MAML2: variants seen among roughly 807,000 people sequenced by gnomAD.
The protein encoded by MAML2 is mastermind like transcriptional coactivator 2, also known as mastermind-like protein 2.
A neutral mutation model predicts 96.1 loss-of-function variants in MAML2; 22 were observed. The ratio of observed to expected loss-of-function variants is 0.23; its 90% CI spans 0.16 to 0.33. The LOEUF (loss-of-function observed/expected upper bound fraction) is 0.33. MAML2 is among the 10% of genes least tolerant of loss of function. The pLI, the probability that MAML2 is intolerant of heterozygous loss-of-function variation, is 1.00. For synonymous variants in MAML2, 561 were observed against 521.3 expected (o/e 1.08, Z -1.04); for missense variants, 1,367 against 1,392.4 (o/e 0.98, Z 0.29).
At chr11:96,099,942 A>G (rs924433596) in intron 1 of MAML2, among the ~76,000 whole-genome samples, 1 of 152,132 alleles carries the variant, frequency 6.6e-6, no homozygotes, top group Non-Finnish European at 1.5e-5. Context: ...ATACTTGCCC[A>G]TTGATTATTT....
chr11:95,999,475 C>T (rs1038130052), intron 2 of MAML2, among the ~76,000 whole-genome samples: 1 of 141,214 alleles, frequency 7.1e-6, no homozygotes, highest in Non-Finnish European at 1.6e-5. Flanking sequence ...TCGTTGGATT[C>T]AGTCAGTTTT....
At chr11:96,280,394 G>A (rs3802768) in intron 1 of MAML2, among the ~76,000 whole-genome samples, 4 of 152,094 alleles carry the variant, frequency 2.6e-5, no homozygotes, top group African/African-American at 7.2e-5. Flanking sequence ...GGGTGAAAAC[G>A]CAGGGATCTT....
chr11:96,134,479 G>T (rs1290402508), intron 1 of MAML2, among the ~76,000 whole-genome samples: 1 of 152,046 alleles, frequency 6.6e-6, no homozygotes, highest in Non-Finnish European at 1.5e-5. Flanking sequence ...CAGGATTCTG[G>T]GATTATTTAT....
intron 1 of MAML2, among the ~76,000 whole-genome samples, chr11:96,166,213 A>ACACC (rs1861191920): frequency 6.6e-6 from 1 of 150,526 alleles, no homozygotes; most frequent in Non-Finnish European, 1.5e-5. Flanking sequence ...ACACACACAC[A>ACACC]CACCCCACAT....
At chr11:96,274,396 G>C (rs1862958853) in intron 1 of MAML2, among the ~76,000 whole-genome samples, 1 of 151,826 alleles carries the variant, frequency 6.6e-6, no homozygotes, top group Non-Finnish European at 1.5e-5. Context: ...CTTTTATAAA[G>C]GATTTCTCAT....
chr11:96,329,816 G>A (rs774415589), intron 1 of MAML2, among the ~76,000 whole-genome samples: 4 of 152,192 alleles, frequency 2.6e-5, no homozygotes, highest in Non-Finnish European at 4.4e-5. Flanking sequence ...AAATGAGGCT[G>A]TTAGGGTAAT....
In MAML2 at chr11:96,180,389, G is replaced by A. The variant is rs543701441; in HGVS notation, c.514-86872C>T. On this transcript the variant is annotated intron_variant, in intron 1 of 4. Coordinates refer to ENST00000524717, the MANE Select transcript of MAML2 (RefSeq NM_032427.4). ...ACTTCCAAGGCTAGGTTATAAAAAG[G>A]ATACAGTTTCCACTTGGCTCTCTTT... is the stretch of plus-strand genomic sequence containing the variant. Among the ~76,000 whole-genome samples the A allele has an allele frequency of 4.2e-4, 64 of 152,312 alleles. No homozygotes were observed. In the South Asian group the frequency reaches 0.013, roughly 32 times the overall value.
chr11:96,039,581 T>C (rs1321826527), intron 2 of MAML2, among the ~76,000 whole-genome samples: 1 of 152,134 alleles, frequency 6.6e-6, no homozygotes, highest in East Asian at 1.9e-4. Context: ...ATAGAATAAA[T>C]AGTTTAGGAT....
intron 1 of MAML2, among the ~76,000 whole-genome samples, chr11:96,267,940 T>C (rs1862853799): frequency 6.6e-6 from 1 of 152,200 alleles, no homozygotes; most frequent in African/African-American, 2.4e-5. Flanking sequence ...GTTTCTTTTA[T>C]AGGAAGAGGC....
At position 96,054,239 on chromosome 11, in the gene MAML2, C is replaced by T. The variant is rs146680961; in HGVS notation, c.2139+37653G>A. ...CCTGATTCTAAGTAGTAACTCTAGA[C>T]GGGGATATTTTAGGGGAATGCTGTT... On this transcript the variant is annotated intron_variant, in intron 2 of 4. Transcript: ENST00000524717. Among the ~76,000 whole-genome samples, 582 of 152,160 alleles carry T rather than the reference C, an allele frequency of 3.8e-3. 7 individuals carry two copies. Among genetic ancestry groups the T allele is most frequent in the South Asian group, 0.028 (133 of 4,826 alleles).
chr11:96,037,058 A>G (rs1007363048), intron 2 of MAML2, among the ~76,000 whole-genome samples: 4 of 152,218 alleles, frequency 2.6e-5, no homozygotes, highest in Non-Finnish European at 5.9e-5. Flanking sequence ...GTCGGGAGCC[A>G]ACGCACCTGG....
intron 1 of MAML2, among the ~76,000 whole-genome samples, chr11:96,222,578 GATA>G (rs1348026189): frequency 6.6e-6 from 1 of 152,202 alleles, no homozygotes; most frequent in Admixed American, 6.5e-5. Flanking sequence ...GAATGCAAGG[GATA>G]ATGAGATATC....
chr11:96,094,540 GT>G (rs1321037908), intron 1 of MAML2, among the ~76,000 whole-genome samples: 1 of 152,170 alleles, frequency 6.6e-6, no homozygotes, highest in Non-Finnish European at 1.5e-5. Flanking sequence ...ACATGTTTAA[GT>G]TTTTTTGTGA....
chr11:96,059,651 A>C lies in MAML2; in HGVS notation c.2139+32241T>G, dbSNP rs147021065. Among the ~76,000 whole-genome samples the C allele has an allele frequency of 2.0e-4, 31 of 152,312 alleles. No individual in the cohort carries two copies. In the East Asian group the frequency reaches 5.4e-3, roughly 27 times the overall value. On this transcript the variant is annotated intron_variant, in intron 2 of 4. Coordinates refer to ENST00000524717, the MANE Select transcript of MAML2 (RefSeq NM_032427.4). ...ATATTTGCATTATTCTTACCAGTTCAGCATCCTAATCCAAAAATCTGAAAA... is the reference window on the plus strand; with the variant it reads ...ATATTTGCATTATTCTTACCAGTTCCGCATCCTAATCCAAAAATCTGAAAA...
At chr11:96,009,380 GGAA>G (rs1469451358) in intron 2 of MAML2, among the ~76,000 whole-genome samples, 16 of 152,254 alleles carry the variant, frequency 1.1e-4, no homozygotes, top group African/African-American at 3.6e-4. Context: ...TTCTATACCA[GGAA>G]GGTGCTAATC....
rs370304879 is a variant in MAML2 at position 96,208,457 on chromosome 11, CAG to C, written c.514-114942_514-114941del. ...TAAAAAAGAACCATTTGGAAACAAA[CAG>C]AAGTATTTTTCTTTAGTTGTTACAG... On this transcript the variant is annotated intron_variant, in intron 1 of 4. Transcript: ENST00000524717. Among the ~76,000 whole-genome samples, 619 of 152,274 alleles carry C rather than the reference CAG, an allele frequency of 4.1e-3. 5 individuals carry two copies. Among genetic ancestry groups the C allele is most frequent in the African/African-American group, 0.014 (591 of 41,568 alleles).
chr11:96,010,220 CAT>C (rs1174373542), intron 2 of MAML2, among the ~76,000 whole-genome samples: 1 of 152,100 alleles, frequency 6.6e-6, no homozygotes. Flanking sequence ...CATATTTAAA[CAT>C]AGAAGCAAGA....
chr11:96,139,943 C>A lies in MAML2; in HGVS notation c.514-46426G>T, dbSNP rs542351717. ...GGTAGTAATGACTGCATAATTCTAT[C>A]TTTAAAAAAATCTATTGAATTAAGG... On this transcript the variant is annotated intron_variant, in intron 1 of 4. Coordinates refer to ENST00000524717, the MANE Select transcript of MAML2 (RefSeq NM_032427.4). Among the ~76,000 whole-genome samples the A allele has an allele frequency of 3.3e-5, 5 of 152,268 alleles. No homozygotes were observed. In the East Asian group the frequency reaches 7.7e-4, roughly 23 times the overall value.
At chr11:96,108,019 G>A (rs1218628768) in intron 1 of MAML2, among the ~76,000 whole-genome samples, 1 of 152,176 alleles carries the variant, frequency 6.6e-6, no homozygotes, top group African/African-American at 2.4e-5. Flanking sequence ...CAAACCCGAA[G>A]AAGAGGTGAT....
Sources: allele counts gnomAD v4.1 joint callset (sites outside exome capture counted in the v4.1 genomes callset), GRCh38; gene constraint gnomAD v4.1.1; transcripts MANE v1.5; gene names NCBI Gene and HGNC (gene_info 2026-07-23, HGNC 2026-07-21).